The following PPP2R2B variants were observed in gnomAD, a reference collection of about 807,000 sequenced individuals.
The protein encoded by PPP2R2B is protein phosphatase 2 regulatory subunit Bbeta, also known as serine/threonine-protein phosphatase 2A 55 kDa regulatory subunit B beta isoform.
PPP2R2B carries 5 observed loss-of-function variants against 46.0 expected under a neutral mutation model. The observed-to-expected ratio is 0.11, with a 90% CI of 0.06 to 0.23. The LOEUF (loss-of-function observed/expected upper bound fraction) is 0.23, where lower values mean the gene tolerates loss of function less well. Ranked by LOEUF, PPP2R2B falls within the 10% of genes least tolerant of loss-of-function variation. The pLI is 1.00. For missense variants in PPP2R2B, 367 were observed against 575.0 expected, an observed-to-expected ratio of 0.64 and a Z score of 3.70; for synonymous variants, 215 against 206.7, an observed-to-expected ratio of 1.04 and a Z score of -0.34.
At chr5:146,624,038 A>G (rs544903010) in intron 7 of PPP2R2B, among the ~76,000 whole-genome samples, 1 of 152,274 alleles carries the variant, frequency 6.6e-6, no homozygotes, top group South Asian at 2.1e-4. Context: ...AGTCGTGAGG[A>G]TGGTTGTATT....
chr5:146,973,280 C>A (rs1752748243), intron 1 of PPP2R2B, among the ~76,000 whole-genome samples: 2 of 152,156 alleles, frequency 1.3e-5, no homozygotes, highest in African/African-American at 4.8e-5. Flanking sequence ...GGGGCTTCAG[C>A]CCTGGACAAT....
At chr5:146,644,035 GAT>G (rs1474514599) in intron 6 of PPP2R2B, among the ~76,000 whole-genome samples, 1 of 152,118 alleles carries the variant, frequency 6.6e-6, no homozygotes, top group Admixed American at 6.5e-5. Context: ...CTTTGGGATA[GAT>G]CTGGTCTGTG....
rs1366565459 is a variant in PPP2R2B, at chr5:147,049,023, A to AAT, written c.79+6640_79+6641dup. On this transcript the variant is annotated intron_variant, in intron 1 of 8. Transcript: ENST00000336640. ...AAATAAGGGCTGTGAAGGAAAAATAAATAGGGTAAAACTAGCTGGGGGTGA... is the reference window on the plus strand; with the variant it reads ...AAATAAGGGCTGTGAAGGAAAAATAAATATAGGGTAAAACTAGCTGGGGGTGA... 3.9e-5 allele frequency among the ~76,000 whole-genome samples: 6 copies of AAT among 152,132 alleles called. No homozygotes were observed. In the South Asian group the frequency reaches 1.0e-3, roughly 26 times the overall value.
intron 1 of PPP2R2B, among the ~76,000 whole-genome samples, chr5:146,912,520 T>C (rs1023966866): frequency 1.3e-5 from 2 of 151,528 alleles, no homozygotes; most frequent in African/African-American, 2.4e-5. Flanking sequence ...TTCTTTTTTT[T>C]TTTTTGTTTT....
chr5:146,928,423 A>T (rs1763857787), intron 1 of PPP2R2B, among the ~76,000 whole-genome samples: 1 of 152,052 alleles, frequency 6.6e-6, no homozygotes, highest in Middle Eastern at 3.4e-3. Context: ...GGCTTTTTCC[A>T]TCTTGATTGA....
At chr5:146,889,106 A>G (rs778288042) in intron 1 of PPP2R2B, among the ~76,000 whole-genome samples, 52 of 152,370 alleles carry the variant, frequency 3.4e-4, no homozygotes, top group Admixed American at 5.9e-4. Context: ...TATATCTTTT[A>G]AAAGAATAAA....
Position 146,920,760 on chromosome 5 carries a change from C to CTG in PPP2R2B, c.79+134903_79+134904dup, listed in dbSNP as rs148436264. ...CAGCACACTGTTGTGTCCTTTTATG[C>CTG]TGTGTGTGTGTGTGTTTGTTTTGTA... On this transcript the variant is annotated intron_variant, in intron 1 of 8. Transcript: ENST00000336640. 5.9e-3 allele frequency among the ~76,000 whole-genome samples: 890 copies of CTG among 151,782 alleles called. 26 individuals carry two copies. The East Asian group carries it at 0.065, about 11-fold the overall frequency.
At chr5:146,806,060 C>T (rs1757158285) in intron 2 of PPP2R2B, among the ~76,000 whole-genome samples, 2 of 152,186 alleles carry the variant, frequency 1.3e-5, no homozygotes, top group African/African-American at 4.8e-5. Flanking sequence ...ACATTTTACT[C>T]ATCCTGAAAA....
intron 2 of PPP2R2B, among the ~76,000 whole-genome samples, chr5:147,063,195 C>T (rs1378234819): frequency 6.6e-6 from 1 of 152,026 alleles, no homozygotes; most frequent in Admixed American, 6.6e-5. Flanking sequence ...CTAAATGGAA[C>T]ATTGGGACAG....
At chr5:146,878,879 G>A, upstream of PPP2R2B, 1 of 1,163,572 alleles carries the variant, frequency 8.6e-7, no homozygotes, top group Non-Finnish European at 1.1e-6. This position sits in a 1 kb window ranked among gnomAD's most constrained non-coding sequence, Gnocchi z 4.5. Flanking sequence ...GCTCTTTGCT[G>A]CAGTGGGGCG....
intron 2 of PPP2R2B, among the ~76,000 whole-genome samples, chr5:146,711,547 A>T (rs750063270): frequency 6.6e-6 from 1 of 152,198 alleles, no homozygotes; most frequent in African/African-American, 2.4e-5. Context: ...GGGTCCTATG[A>T]ATAACAGGAA....
chr5:146,878,135 G>A lies in PPP2R2B; in HGVS notation c.-64C>T. Reference sequence around the variant, plus strand: ...AGACAAGTATCCATGATCCCTCCCCGCAGCCAGTCTCACAGGAGAGGGGGG... The same window carrying A: ...AGACAAGTATCCATGATCCCTCCCCACAGCCAGTCTCACAGGAGAGGGGGG... On this transcript the variant is annotated 5_prime_UTR_variant, in exon 2 of 10. Coordinates refer to ENST00000394411, the MANE Select transcript of PPP2R2B (RefSeq NM_181675.4). This position sits in a 1 kb window ranked among gnomAD's most constrained non-coding sequence, Gnocchi z 4.5. The A allele has an allele frequency of 6.2e-7, 1 of 1,611,178 alleles. No homozygotes were observed. The highest frequency in any genetic ancestry group is 8.5e-7 in the Non-Finnish European group (1 of 1,178,622).
chr5:146,988,255 C>G (rs1217015202), intron 1 of PPP2R2B, among the ~76,000 whole-genome samples: 1 of 151,900 alleles, frequency 6.6e-6, no homozygotes, highest in East Asian at 1.9e-4. Flanking sequence ...AAACGACAGT[C>G]TAGACCAAAT....
At chr5:147,064,118 T>C (rs1757350179) in intron 2 of PPP2R2B, among the ~76,000 whole-genome samples, 1 of 152,200 alleles carries the variant, frequency 6.6e-6, no homozygotes, top group Non-Finnish European at 1.5e-5. Context: ...CAGAGTATTG[T>C]ATTTTCTAAT....
rs1561762155 is a variant in PPP2R2B, at chr5:146,603,900, CTT to C, written c.791-3442_791-3441del. On this transcript the variant is annotated intron_variant, in intron 7 of 9. Transcript: ENST00000394411. ...ACTCACATCTATCTGACTTCAAAAT[CTT>C]TGTTCTTAATCATGATGCCATGTAG... Among the ~76,000 whole-genome samples the C allele has an allele frequency of 5.3e-5, 8 of 152,254 alleles. No individual in the cohort carries two copies. The South Asian group carries it at 1.2e-3, about 24-fold the overall frequency.
intron 2 of PPP2R2B, among the ~76,000 whole-genome samples, chr5:146,749,833 C>T (rs1016133281): frequency 2.6e-5 from 4 of 152,060 alleles, no homozygotes; most frequent in Admixed American, 6.6e-5. Flanking sequence ...CTCCTGACCT[C>T]GTGATCTGCC....
At chr5:146,747,781 A>T (rs1441341907) in intron 2 of PPP2R2B, among the ~76,000 whole-genome samples, 1 of 152,216 alleles carries the variant, frequency 6.6e-6, no homozygotes, top group Non-Finnish European at 1.5e-5. Flanking sequence ...TATGTTTCAA[A>T]CAGTTACTAC....
chr5:146,996,951 T>C (rs985938660), intron 1 of PPP2R2B, among the ~76,000 whole-genome samples: 1 of 152,166 alleles, frequency 6.6e-6, no homozygotes, highest in Non-Finnish European at 1.5e-5. Context: ...TGCCCCACTG[T>C]CTTTAGGCAG....
At chr5:146,676,858 C>T (rs1175767476) in intron 5 of PPP2R2B, among the ~76,000 whole-genome samples, 1 of 152,112 alleles carries the variant, frequency 6.6e-6, no homozygotes, top group East Asian at 1.9e-4. Context: ...CGAGGTGGTG[C>T]TTATGTTCTT....
Sources: gnomAD v4.1 joint callset for allele counts (sites outside exome capture counted in the v4.1 genomes callset) on GRCh38, gnomAD v4.1.1 for gene constraint, Gnocchi (gnomAD v3.1) non-coding constraint, MANE v1.5 for transcripts, NCBI Gene and HGNC (gene_info 2026-07-23, HGNC 2026-07-21) for gene names.